ZNG1A: variants seen among roughly 807,000 people sequenced by gnomAD.
ZNG1A encodes the protein Zn regulated GTPase metalloprotein activator 1A.
chr9:165,004 G>A, the ZNG1A span, among the ~76,000 whole-genome samples: 42 of 152,172 alleles, frequency 2.8e-4, 1 homozygote, highest in Non-Finnish European at 5.3e-4. Context: ...AAACTTAATA[G>A]TTTTCCAATT....
At chr9:154,685 C>T in the ZNG1A span, 1 of 1,558,880 alleles carries the variant, frequency 6.4e-7, no homozygotes, top group South Asian at 1.1e-5. Context: ...TCTGTAGGCA[C>T]TTAACACACT....
the ZNG1A span, chr9:154,690 C>A: frequency 6.4e-7 from 1 of 1,574,570 alleles, no homozygotes; most frequent in East Asian, 2.2e-5. Flanking sequence ...AGGCACTTAA[C>A]ACACTTATCA....
At chr9:127,170 T>TA in the ZNG1A span, among the ~76,000 whole-genome samples, 1 of 152,140 alleles carries the variant, frequency 6.6e-6, no homozygotes, top group Non-Finnish European at 1.5e-5. Flanking sequence ...TTGGATGGAA[T>TA]ATTCTGTATA....
At chr9:136,790 G>A in the ZNG1A span, among the ~76,000 whole-genome samples, 1 of 151,942 alleles carries the variant, frequency 6.6e-6, no homozygotes, top group African/African-American at 2.4e-5. Context: ...TATAATCCCA[G>A]CACTTTAAGA....
At chr9:152,393 T>C in the ZNG1A span, among the ~76,000 whole-genome samples, 1 of 152,208 alleles carries the variant, frequency 6.6e-6, no homozygotes, top group African/African-American at 2.4e-5. Context: ...CATTCATAAA[T>C]AGTCAGTTAT....
At chr9:172,128 C>G in the ZNG1A span, 134 of 1,611,228 alleles carry the variant, frequency 8.3e-5, no homozygotes, top group East Asian at 1.7e-3. Flanking sequence ...ATCAAATTTC[C>G]CCTTCTTTTG....
chr9:179,054 C>A, the ZNG1A span: 2 of 834,602 alleles, frequency 2.4e-6, 1 homozygote, highest in Non-Finnish European at 3.7e-6. Flanking sequence ...GCACGCCACT[C>A]CCGGCCTGCC....
the ZNG1A span, among the ~76,000 whole-genome samples, chr9:177,531 TA>T: frequency 1.3e-5 from 2 of 151,418 alleles, no homozygotes; most frequent in Non-Finnish European, 2.9e-5. Context: ...GAGGGAGCCT[TA>T]AAAAGAAGCC....
the ZNG1A span, among the ~76,000 whole-genome samples, chr9:168,570 G>A: frequency 6.7e-6 from 1 of 150,032 alleles, no homozygotes; most frequent in Non-Finnish European, 1.5e-5. Flanking sequence ...ATTTTTAATG[G>A]AGATGAAATG....
the ZNG1A span, among the ~76,000 whole-genome samples, chr9:143,401 A>C: frequency 1.4e-5 from 2 of 139,508 alleles, no homozygotes; most frequent in Non-Finnish European, 3.0e-5. Flanking sequence ...TATGCAAATC[A>C]ATACATGTAA....
At chr9:161,591 C>G in the ZNG1A span, 2 of 1,286,430 alleles carry the variant, frequency 1.6e-6, no homozygotes, top group East Asian at 5.5e-5. Context: ...TCCATATGCT[C>G]AGATTGGGAA....
chr9:142,074 C>T, the ZNG1A span, among the ~76,000 whole-genome samples: 2 of 145,042 alleles, frequency 1.4e-5, no homozygotes, highest in South Asian at 2.3e-4. Flanking sequence ...GAGACTTAGA[C>T]TCCCACACAA....
At chr9:146,187 T>C in the ZNG1A span, 2 of 1,582,496 alleles carry the variant, frequency 1.3e-6, no homozygotes, top group Non-Finnish European at 1.7e-6. Flanking sequence ...ACGTGAGCAG[T>C]TGGAAATTCT....
chr9:164,921 G>C, the ZNG1A span, among the ~76,000 whole-genome samples: 3 of 151,936 alleles, frequency 2.0e-5, no homozygotes, highest in Admixed American at 6.6e-5. Flanking sequence ...TGTTTACAGT[G>C]ATTACTCATG....
the ZNG1A span, among the ~76,000 whole-genome samples, chr9:158,800 A>C: frequency 6.6e-6 from 1 of 151,928 alleles, no homozygotes; most frequent in East Asian, 1.9e-4. Context: ...CAGAAGAGAT[A>C]AATGTCCTCT....
At chr9:141,589 G>A in the ZNG1A span, among the ~76,000 whole-genome samples, 1 of 151,428 alleles carries the variant, frequency 6.6e-6, no homozygotes, top group Non-Finnish European at 1.5e-5. Flanking sequence ...GCAGAATCAT[G>A]CCAAAATGTA....
the ZNG1A span, chr9:134,949 G>C: frequency 1.6e-6 from 2 of 1,243,844 alleles, no homozygotes. Context: ...CATTGATTAG[G>C]AATTTTGGAT....
the ZNG1A span, among the ~76,000 whole-genome samples, chr9:176,842 A>C: frequency 1.5e-5 from 2 of 131,860 alleles, no homozygotes; most frequent in Non-Finnish European, 3.1e-5. Flanking sequence ...CCATATTATG[A>C]AAAAAAAAAA....
At chr9:150,638 A>G in the ZNG1A span, 62 of 982,732 alleles carry the variant, frequency 6.3e-5, 5 homozygotes, top group South Asian at 2.5e-3. Context: ...GGCAAGCACC[A>G]TACACTGAAT....
Sources: allele counts gnomAD v4.1 joint callset (sites outside exome capture counted in the v4.1 genomes callset), GRCh38; gene constraint gnomAD v4.1.1; transcripts MANE v1.5; gene names NCBI Gene and HGNC (gene_info 2026-07-23, HGNC 2026-07-21).